The following RALGAPA2 variants were observed in gnomAD, a reference collection of about 807,000 sequenced individuals.
The protein encoded by RALGAPA2 is ral GTPase-activating protein subunit alpha-2.
A neutral mutation model predicts 230.4 loss-of-function variants in RALGAPA2; 139 were observed. That is an observed-to-expected ratio of 0.60 (90% CI 0.53 to 0.69). RALGAPA2 has a LOEUF of 0.69. Among genes scored for constraint, RALGAPA2 ranks in the 30% least tolerant of loss-of-function variants. The pLI, the probability that RALGAPA2 is intolerant of heterozygous loss-of-function variation, is 0.00. For missense variants in RALGAPA2, 2,163 were observed against 2,276.0 expected (o/e 0.95, Z 1.01); for synonymous variants, 847 against 837.8 (o/e 1.01, Z -0.19).
At chr20:20,413,331 T>C (rs912041267) in intron 37 of RALGAPA2, among the ~76,000 whole-genome samples, 1 of 152,206 alleles carries the variant, frequency 6.6e-6, no homozygotes, top group African/African-American at 2.4e-5. Context: ...TTTTAAATGG[T>C]CAAATACTTT....
intron 4 of RALGAPA2, among the ~76,000 whole-genome samples, chr20:20,646,604 T>C (rs1177411646): frequency 6.6e-6 from 1 of 152,174 alleles, no homozygotes; most frequent in Non-Finnish European, 1.5e-5. Context: ...ATTTTAACCA[T>C]AAATATCCTT....
intron 37 of RALGAPA2, among the ~76,000 whole-genome samples, chr20:20,458,701 T>C (rs1251329361): frequency 8.2e-5 from 11 of 133,932 alleles, no homozygotes; most frequent in South Asian, 2.3e-4. Flanking sequence ...TATATATATA[T>C]ACACACACAC....
In RALGAPA2 at chr20:20,619,359, G is replaced by A; in HGVS notation, c.1457C>T (p.Ser486Phe). ...KRSSSWGRTYSFTSAMSRGCV... is the reference protein window; with the variant it reads ...KRSSSWGRTYFFTSAMSRGCV... ...CCCTCTGCTCATTGCACTTGTGAAG[G>A]AGTATGTGCGTCCCCAACTGGAAGA... Residue 486 changes from serine (S) to phenylalanine (F), a missense_variant, in exon 12 of 40, where the codon TCC becomes TTC. Ser to Phe is a radical substitution (Grantham distance 155). Transcript: ENST00000202677. The A allele has an allele frequency of 1.2e-6, 2 of 1,611,736 alleles. No individual in the cohort carries two copies. Among genetic ancestry groups the A allele is most frequent in the Non-Finnish European group, 1.7e-6 (2 of 1,178,524 alleles).
At position 20,629,515 on chromosome 20, in the gene RALGAPA2, G is replaced by T. The variant is rs376270073; in HGVS notation, c.1081C>A (p.His361Asn). The change falls in exon 10 of 40, where the codon CAT becomes AAT. Residue 361 changes from histidine to asparagine, a missense_variant. By Grantham distance (68) the His-to-Asn change is moderately conservative (BLOSUM62 1). Coordinates refer to ENST00000202677, the MANE Select transcript of RALGAPA2 (RefSeq NM_020343.4). ...GGGPTEQDKSHSNSSTLSDRR... is the reference protein window; with the variant it reads ...GGGPTEQDKSNSNSSTLSDRR... ...TCCGACAAGGTGCTGCTGTTAGAAT[G>T]GCTTTTGTCCTGCTCCGTGGGCCCA... is the stretch of plus-strand genomic sequence containing the variant. 1 of 1,613,842 alleles carries T rather than the reference G, an allele frequency of 6.2e-7. No individual in the cohort carries two copies. The highest frequency in any genetic ancestry group is 1.3e-5 in the African/African-American group (1 of 74,904).
At chr20:20,531,827 CT>C (rs2063376704) in intron 26 of RALGAPA2, 32 bp from the exon 27 acceptor site, 1 of 1,458,778 alleles carries the variant, frequency 6.9e-7, no homozygotes, top group Non-Finnish European at 9.4e-7. Flanking sequence ...GAGGAAAACT[CT>C]CATGAAACTT....
intron 2 of RALGAPA2, among the ~76,000 whole-genome samples, chr20:20,679,963 T>TA (rs2039549640): frequency 6.6e-6 from 1 of 152,150 alleles, no homozygotes; most frequent in African/African-American, 2.4e-5. Flanking sequence ...TACATGAAAA[T>TA]GAAAGAAGAT....
chr20:20,394,456 A>G (rs943046942), intron 39 of RALGAPA2, among the ~76,000 whole-genome samples: 4 of 152,138 alleles, frequency 2.6e-5, no homozygotes, highest in African/African-American at 7.2e-5. Context: ...TGGGAAACAC[A>G]GTGAAACCCC....
intron 1 of RALGAPA2, among the ~76,000 whole-genome samples, chr20:20,692,471 CTCCAT>C (rs1318780008): frequency 6.6e-6 from 1 of 152,120 alleles, no homozygotes; most frequent in Non-Finnish European, 1.5e-5. Context: ...CTAATAGAGC[CTCCAT>C]TTGCTCAGGG....
At chr20:20,432,306 T>A (rs552554642) in intron 37 of RALGAPA2, among the ~76,000 whole-genome samples, 19 of 152,318 alleles carry the variant, frequency 1.2e-4, no homozygotes, top group Non-Finnish European at 2.6e-4. Context: ...TTGCTGGTTA[T>A]AAGGAGCTGC....
intron 23 of RALGAPA2, among the ~76,000 whole-genome samples, chr20:20,565,954 A>T (rs2064405853): frequency 1.3e-5 from 2 of 152,174 alleles, no homozygotes; most frequent in Admixed American, 1.3e-4. Flanking sequence ...GATGGTCTGG[A>T]GAATGTCTAG....
chr20:20,636,963 T>G (rs190663577), intron 8 of RALGAPA2, among the ~76,000 whole-genome samples: 7 of 152,266 alleles, frequency 4.6e-5, no homozygotes, highest in Admixed American at 2.6e-4. Context: ...ATAAAAGGCA[T>G]ACAATGGCAG....
chr20:20,454,047 G>C (rs1373328596), intron 37 of RALGAPA2, among the ~76,000 whole-genome samples: 1 of 152,150 alleles, frequency 6.6e-6, no homozygotes, highest in Non-Finnish European at 1.5e-5. Context: ...ATATGAGAGA[G>C]AACTACCTGG....
chr20:20,499,364 T>TA (rs1348495426), intron 35 of RALGAPA2, among the ~76,000 whole-genome samples: 1 of 152,046 alleles, frequency 6.6e-6, no homozygotes, highest in Non-Finnish European at 1.5e-5. Flanking sequence ...AGAAATAATT[T>TA]AAAAAATATT....
chr20:20,626,425 G>A (rs1254601536), intron 10 of RALGAPA2, among the ~76,000 whole-genome samples: 1 of 152,150 alleles, frequency 6.6e-6, no homozygotes, highest in Admixed American at 6.5e-5. Context: ...TAAGCTTCAT[G>A]ACACTAAGAT....
chr20:20,403,758 G>A (rs2059894518), intron 38 of RALGAPA2, among the ~76,000 whole-genome samples: 1 of 152,192 alleles, frequency 6.6e-6, no homozygotes, highest in South Asian at 2.1e-4. Context: ...CGTGGGCTCT[G>A]GGATGCACGC....
intron 24 of RALGAPA2, among the ~76,000 whole-genome samples, chr20:20,537,085 G>A (rs550885371): frequency 6.6e-6 from 1 of 152,250 alleles, no homozygotes; most frequent in South Asian, 2.1e-4. Context: ...TACTGCTAAT[G>A]TTCTCAACAA....
Position 20,503,500 on chromosome 20 carries a change from G to T in RALGAPA2, c.5059C>A (p.Leu1687Ile). 5 of 1,563,334 alleles carry T rather than the reference G, an allele frequency of 3.2e-6. No homozygotes were observed. The highest frequency in any genetic ancestry group is 4.3e-6 in the Non-Finnish European group (5 of 1,155,756). Reference sequence around the variant, plus strand: ...CCCATGAACCCACAGTGGGTGGAGAGATCCACCTGACAAAGGTCACAAAGA... The same window carrying T: ...CCCATGAACCCACAGTGGGTGGAGATATCCACCTGACAAAGGTCACAAAGA... ...FVAGLGWEVD[L>I]STHCGFMGGL... is the part of the protein sequence containing the mutation. Residue 1687 changes from leucine (L) to isoleucine (I), a missense_variant, in exon 35 of 40, where the codon CTC (leucine) becomes ATC (isoleucine). Physicochemically the swap from Leu to Ile is conservative, Grantham distance 5. Coordinates refer to ENST00000202677, the MANE Select transcript of RALGAPA2 (RefSeq NM_020343.4).
chr20:20,526,166 T>C (rs932689687), intron 28 of RALGAPA2, 86 bp downstream of exon 28: 44 of 1,047,678 alleles, frequency 4.2e-5, no homozygotes, highest in Non-Finnish European at 5.6e-5. Context: ...TCTCTAACAA[T>C]TATTTGAATA....
intron 37 of RALGAPA2, among the ~76,000 whole-genome samples, chr20:20,459,916 C>T (rs992262563): frequency 6.6e-6 from 1 of 152,190 alleles, no homozygotes; most frequent in African/African-American, 2.4e-5. Flanking sequence ...TCAACAAATA[C>T]TCACTGGGCA....
Sources: gnomAD v4.1 joint callset for allele counts (sites outside exome capture counted in the v4.1 genomes callset) on GRCh38, gnomAD v4.1.1 for gene constraint, MANE v1.5 for transcripts, NCBI Gene and HGNC (gene_info 2026-07-23, HGNC 2026-07-21) for gene names.